POR: variants seen among roughly 807,000 people sequenced by gnomAD.
POR encodes cytochrome p450 oxidoreductase.
POR carries 56 observed loss-of-function variants against 84.0 expected under a neutral mutation model. The observed-to-expected ratio is 0.67, with a 90% CI of 0.54 to 0.83. POR has a LOEUF of 0.83. Ranked by LOEUF, POR falls within the 40% of genes least tolerant of loss-of-function variation. The probability of loss-of-function intolerance (pLI) is 0.00; values close to 1 mark genes in which losing one functional copy is unlikely to be tolerated. For missense variants in POR, 938 were observed against 944.3 expected, an observed-to-expected ratio of 0.99 and a Z score of 0.09; for synonymous variants, 414 against 400.5, an observed-to-expected ratio of 1.03 and a Z score of -0.40.
At chr7:75,940,942 C>T (rs146870429) in intron 1 of POR, among the ~76,000 whole-genome samples, 347 of 152,278 alleles carry the variant, frequency 2.3e-3, no homozygotes, top group Middle Eastern at 0.02. Context: ...GCGAGGATCG[C>T]TTGAGCCCAG....
intron 1 of POR, among the ~76,000 whole-genome samples, chr7:75,931,687 C>T (rs1807430308): frequency 2.6e-5 from 4 of 151,958 alleles, no homozygotes; most frequent in Non-Finnish European, 5.9e-5. Flanking sequence ...CTTTTAAAGC[C>T]GTGACTCTAT....
rs372742384 is a variant in POR at position 75,970,985 on chromosome 7, A to G, written c.189-1428A>G. 0.012 allele frequency: 61 copies of G among 5,020 alleles called. 1 individual carries two copies. In the East Asian group the frequency reaches 0.12, roughly 10 times the overall value. The allele number at this position is 5,020 out of a possible 1,614,324, so 0.3% of individuals were successfully genotyped here. ...TTTATTTTATTTTATTTTTTGAGAC[A>G]GATTCTCACTCTGTTGCCCAGGCTG... On this transcript the variant is annotated intron_variant, in intron 2 of 15. Transcript: ENST00000461988.
At chr7:75,946,150 A>G (rs1269537083) in intron 1 of POR, among the ~76,000 whole-genome samples, 2 of 150,204 alleles carry the variant, frequency 1.3e-5, no homozygotes, top group Non-Finnish European at 2.9e-5. Context: ...ATACATGCAT[A>G]GTTTTTACCC....
chr7:75,916,343 G>C (rs1806567198), intron 1 of POR, among the ~76,000 whole-genome samples: 1 of 152,190 alleles, frequency 6.6e-6, no homozygotes. Context: ...GCTTTATGGA[G>C]AAGGCATTGA....
At chr7:75,979,814 CCCCT>C in intron 4 of POR, 1 of 523,488 alleles carries the variant, frequency 1.9e-6, no homozygotes, top group Non-Finnish European at 3.3e-6. Context: ...GACTGGCCCT[CCCCT>C]GAGTGCCGGC....
chr7:75,947,484 G>A (rs1554552278), intron 1 of POR, among the ~76,000 whole-genome samples: 28 of 152,130 alleles, frequency 1.8e-4, no homozygotes, highest in Non-Finnish European at 4.4e-5. Flanking sequence ...TAGTAGAGAC[G>A]GGGTTTCACC....
intron 1 of POR, among the ~76,000 whole-genome samples, chr7:75,933,055 G>A (rs977675788): frequency 4.0e-5 from 6 of 150,424 alleles, no homozygotes; most frequent in Non-Finnish European, 7.4e-5. Context: ...AGTATGTCCT[G>A]TAATATGCAT....
chr7:75,980,316 C>A, intron 4 of POR, 23 bp from the exon 5 acceptor site: 1 of 1,606,674 alleles, frequency 6.2e-7, no homozygotes. Flanking sequence ...GGCCGGGGCG[C>A]GGTCCTGTCC....
chr7:75,961,379 C>T (rs567720046), intron 2 of POR, among the ~76,000 whole-genome samples: 148 of 152,160 alleles, frequency 9.7e-4, no homozygotes, highest in African/African-American at 1.8e-3. Context: ...GAGGCCTGTG[C>T]GCTGCATTCA....
At chr7:75,919,635 TC>T (rs1368468826) in intron 1 of POR, among the ~76,000 whole-genome samples, 2 of 152,016 alleles carry the variant, frequency 1.3e-5, no homozygotes, top group Non-Finnish European at 2.9e-5. Flanking sequence ...CAAGTGAGCC[TC>T]CTATCTCAGC....
In POR at chr7:75,961,746, G is replaced by A. The variant is rs562774489; in HGVS notation, c.188+7566G>A. Among the ~76,000 whole-genome samples the A allele has an allele frequency of 4.6e-5, 7 of 152,314 alleles. No individual in the cohort carries two copies. The East Asian group carries it at 1.2e-3, about 25-fold the overall frequency. On this transcript the variant is annotated intron_variant, in intron 2 of 15. Transcript: ENST00000461988. ...ATTCAAGGACTCGCCAGGCATGGCG[G>A]CTCATGCCTGTAATCCCAGCACTTC... is the stretch of plus-strand genomic sequence containing the variant.
chr7:75,939,898 G>A (rs558558833), intron 1 of POR, among the ~76,000 whole-genome samples: 74 of 149,012 alleles, frequency 5.0e-4, no homozygotes, highest in South Asian at 8.6e-4. Flanking sequence ...GTGAGCCACC[G>A]CACCTGGCCC....
chr7:75,979,139 TC>T (rs1554557240), intron 3 of POR, among the ~76,000 whole-genome samples: 1 of 152,184 alleles, frequency 6.6e-6, no homozygotes, highest in East Asian at 1.9e-4. Flanking sequence ...CTGGAACCAT[TC>T]CCCCACGGAT....
chr7:75,930,596 C>T (rs1434099329), intron 1 of POR, among the ~76,000 whole-genome samples: 1 of 152,190 alleles, frequency 6.6e-6, no homozygotes, highest in Non-Finnish European at 1.5e-5. Context: ...GATCTTGGCT[C>T]ACTGCAGCCT....
chr7:75,983,990 G>A (rs1789245436), intron 10 of POR, 134 bp downstream of exon 10: 7 of 704,244 alleles, frequency 9.9e-6, no homozygotes, highest in East Asian at 2.7e-5. Flanking sequence ...GAGACTCCAC[G>A]GTTACAGGAT....
intron 1 of POR, among the ~76,000 whole-genome samples, chr7:75,926,548 C>A (rs1210239928): frequency 6.6e-6 from 1 of 152,090 alleles, no homozygotes; most frequent in Non-Finnish European, 1.5e-5. Flanking sequence ...GTAATCCCAG[C>A]ACTTTGGGAG....
intron 1 of POR, among the ~76,000 whole-genome samples, chr7:75,951,212 T>G (rs1787407036): frequency 6.6e-6 from 1 of 151,854 alleles, no homozygotes; most frequent in Non-Finnish European, 1.5e-5. Context: ...CTGGCTGACA[T>G]GGTGAAACCC....
intron 10 of POR, among the ~76,000 whole-genome samples, 185 bp from the exon 11 acceptor site, chr7:75,984,592 G>T (rs1474897498): frequency 1.3e-5 from 2 of 152,174 alleles, no homozygotes; most frequent in Non-Finnish European, 1.5e-5. Context: ...CTTCCTGTCT[G>T]GTTGGAGGCC....
At chr7:75,965,984 C>T (rs1788163617) in intron 2 of POR, among the ~76,000 whole-genome samples, 1 of 152,124 alleles carries the variant, frequency 6.6e-6, no homozygotes, top group African/African-American at 2.4e-5. Context: ...GACAGGAACC[C>T]CGGGTGCTGG....
Sources: allele counts gnomAD v4.1 joint callset (sites outside exome capture counted in the v4.1 genomes callset), GRCh38; gene constraint gnomAD v4.1.1; transcripts MANE v1.5; gene names NCBI Gene and HGNC (gene_info 2026-07-23, HGNC 2026-07-21).